SPIRE1: variants seen among roughly 807,000 people sequenced by gnomAD.
SPIRE1 encodes spire type actin nucleation factor 1.
Under a neutral mutation model 94.1 loss-of-function variants are expected in SPIRE1, and 40 were observed. The observed-to-expected ratio is 0.43, with a 90% CI of 0.33 to 0.55. SPIRE1 has a LOEUF of 0.55. Among genes scored for constraint, SPIRE1 ranks in the 20% least tolerant of loss-of-function variants. The pLI is 0.06. For synonymous variants in SPIRE1, 376 were observed against 371.7 expected (o/e 1.01, Z -0.13); for missense variants, 838 against 975.2 (o/e 0.86, Z 1.87).
At chr18:12,661,294 G>A, upstream of SPIRE1, 1 of 828,726 alleles carries the variant, frequency 1.2e-6, no homozygotes, top group Non-Finnish European at 1.5e-6. Context: ...GGTGACAAGA[G>A]TGAGCCTTCA....
At chr18:12,453,194 T>A in intron 13 of SPIRE1, 56 bp from the exon 14 acceptor site, 4 of 1,248,396 alleles carry the variant, frequency 3.2e-6, no homozygotes, top group Non-Finnish European at 4.6e-6. Flanking sequence ...AATTTCCTAA[T>A]ATCCATGTTT....
chr18:12,480,161 G>A (rs1247841721), intron 9 of SPIRE1, among the ~76,000 whole-genome samples: 1 of 152,120 alleles, frequency 6.6e-6, no homozygotes, highest in Non-Finnish European at 1.5e-5. Context: ...GAAGAAACTG[G>A]GGCTGAGAGA....
intron 2 of SPIRE1, among the ~76,000 whole-genome samples, chr18:12,617,564 C>T (rs1037722666): frequency 1.4e-4 from 21 of 152,140 alleles, no homozygotes; most frequent in African/African-American, 4.8e-4. Flanking sequence ...GCGCCTGCCA[C>T]CATGCCTGGC....
chr18:12,605,627 C>T (rs1345224797), intron 2 of SPIRE1, among the ~76,000 whole-genome samples: 7 of 152,154 alleles, frequency 4.6e-5, no homozygotes, highest in Admixed American at 3.3e-4. Context: ...ATCTCAGAAA[C>T]GTGGTTTTAA....
intron 3 of SPIRE1, among the ~76,000 whole-genome samples, chr18:12,539,842 G>C (rs150814588): frequency 0.015 from 2,203 of 151,332 alleles, 15 homozygotes; most frequent in Non-Finnish European, 0.023. Flanking sequence ...CAGGAGAATT[G>C]CTTGAACCCG....
chr18:12,623,628 T>C (rs1415350696), intron 2 of SPIRE1, among the ~76,000 whole-genome samples: 14 of 151,994 alleles, frequency 9.2e-5, no homozygotes, highest in Admixed American at 8.5e-4. Context: ...TAAGGCAAAT[T>C]CTTTTTTGTT....
chr18:12,531,467 T>TA (rs2034679548), intron 4 of SPIRE1, among the ~76,000 whole-genome samples: 1 of 152,248 alleles, frequency 6.6e-6, no homozygotes, highest in South Asian at 2.1e-4. Context: ...GTGACACTCT[T>TA]AGAGGAAAAT....
Position 12,657,711 on chromosome 18 carries a change from G to A in SPIRE1, c.156C>T (p.Pro52=), listed in dbSNP as rs1567998291. The stretch of plus-strand genomic sequence containing the variant: ...CGGCCCACGCCTGCTCCTCGTTGAT[G>A]GGCTGGTTGTACAGCCGCAGGATCT... ...LEEILRLYNQ[P]INEEQAWAVC... Residue 52 remains proline (P), a synonymous_variant, in exon 1 of 17, where the codon CCC becomes CCT. Coordinates refer to ENST00000409402, the MANE Select transcript of SPIRE1 (RefSeq NM_001128626.2). 1 of 1,405,758 alleles carries A rather than the reference G, an allele frequency of 7.1e-7. No individual in the cohort carries two copies. The highest frequency in any genetic ancestry group is 3.2e-5 in the East Asian group (1 of 31,110). The allele number at this position is 1,405,758 out of a possible 1,614,324, so 87.1% of individuals were successfully genotyped here.
chr18:12,506,371 C>G, intron 6 of SPIRE1, 106 bp downstream of exon 6: 2 of 944,808 alleles, frequency 2.1e-6, no homozygotes, highest in Non-Finnish European at 3.3e-6. Context: ...GTTGGTCAAG[C>G]TGGTCTTGAA....
rs776769573 is a variant in SPIRE1 at position 12,579,429 on chromosome 18, G to A, written c.373-32525C>T. Among the ~76,000 whole-genome samples the A allele has an allele frequency of 5.3e-5, 8 of 152,242 alleles. No individual in the cohort carries two copies. In the South Asian group the frequency reaches 6.2e-4, roughly 12 times the overall value. On this transcript the variant is annotated intron_variant, in intron 2 of 16. Coordinates refer to ENST00000409402, the MANE Select transcript of SPIRE1 (RefSeq NM_001128626.2). ...TGATTCCACTTACATGAACTATCCA[G>A]AACAGGGAAATTCAGAGAAGCAGAA...
chr18:12,616,008 T>C (rs961269095), intron 2 of SPIRE1, among the ~76,000 whole-genome samples: 3 of 152,216 alleles, frequency 2.0e-5, no homozygotes, highest in African/African-American at 7.2e-5. Context: ...ACAAACTATT[T>C]TAAAACAGAA....
intron 2 of SPIRE1, among the ~76,000 whole-genome samples, chr18:12,582,980 G>A (rs907905855): frequency 1.3e-5 from 2 of 152,142 alleles, no homozygotes; most frequent in Admixed American, 1.3e-4. Flanking sequence ...AAACTGAAGA[G>A]TGCAACTCCT....
At chr18:12,652,402 C>G (rs1197803866) in intron 1 of SPIRE1, among the ~76,000 whole-genome samples, 1 of 152,214 alleles carries the variant, frequency 6.6e-6, no homozygotes, top group Non-Finnish European at 1.5e-5. Flanking sequence ...TGCATAAACA[C>G]TGGAGAAAAT....
intron 1 of SPIRE1, 137 bp downstream of exon 1, chr18:12,657,393 G>T: frequency 2.9e-6 from 2 of 700,946 alleles, no homozygotes; most frequent in Non-Finnish European, 3.9e-6. Flanking sequence ...GCGGGTCCCC[G>T]CCGGATCCTC....
At chr18:12,556,196 T>C (rs937020139) in intron 2 of SPIRE1, among the ~76,000 whole-genome samples, 5 of 152,150 alleles carry the variant, frequency 3.3e-5, no homozygotes, top group Admixed American at 2.6e-4. Flanking sequence ...TGTTCATGGA[T>C]TGGAAGAATC....
intron 8 of SPIRE1, among the ~76,000 whole-genome samples, chr18:12,487,360 T>A (rs1029108255): frequency 1.3e-5 from 2 of 151,556 alleles, no homozygotes; most frequent in African/African-American, 4.8e-5. Context: ...TGTCTCCCCC[T>A]CAGATAAAAG....
intron 2 of SPIRE1, among the ~76,000 whole-genome samples, chr18:12,614,745 G>C (rs554121368): frequency 6.6e-6 from 1 of 152,298 alleles, no homozygotes; most frequent in African/African-American, 2.4e-5. Flanking sequence ...TTGAACCCGG[G>C]AGGCAGAGGT....
In SPIRE1 at chr18:12,559,390, C is replaced by G. The variant is rs1307666916; in HGVS notation, c.373-12486G>C. ...CCAGCCGGCAGCTCTGAGTGCTGGC[C>G]GGGCGAGACTGCACCCACCCGGAAC... On this transcript the variant is annotated intron_variant, in intron 2 of 16. Transcript: ENST00000409402. The surrounding 1 kb of genome is among the most constrained non-coding windows in gnomAD (Gnocchi z 4.7). Among the ~76,000 whole-genome samples the G allele has an allele frequency of 6.6e-6, 1 of 152,144 alleles. No homozygotes were observed. The highest frequency in any genetic ancestry group is 1.5e-5 in the Non-Finnish European group (1 of 67,992).
chr18:12,495,049 C>CA (rs773920267), intron 7 of SPIRE1, among the ~76,000 whole-genome samples: 8,289 of 80,552 alleles, frequency 0.1, 352 homozygotes, highest in South Asian at 0.18. Flanking sequence ...GACTCTGTCT[C>CA]AAAAAAAAAA....
Sources: gnomAD v4.1 joint callset for allele counts (sites outside exome capture counted in the v4.1 genomes callset) on GRCh38, gnomAD v4.1.1 for gene constraint, Gnocchi (gnomAD v3.1) non-coding constraint, MANE v1.5 for transcripts, NCBI Gene and HGNC (gene_info 2026-07-23, HGNC 2026-07-21) for gene names.